Variants in NUDT3 observed in about 807,000 individuals in gnomAD.
NUDT3 encodes diphosphoinositol polyphosphate phosphohydrolase 1.
In NUDT3, 9 loss-of-function variants were observed where a neutral mutation model predicts 23.6. That is an observed-to-expected ratio of 0.38 (90% CI 0.23 to 0.66). The LOEUF is 0.66. Ranked by LOEUF, NUDT3 falls within the 30% of genes least tolerant of loss-of-function variation. The pLI, the probability that NUDT3 is intolerant of heterozygous loss-of-function variation, is 0.52. For synonymous variants in NUDT3, 86 were observed against 82.6 expected (o/e 1.04, Z -0.22); for missense variants, 172 against 218.5 (o/e 0.79, Z 1.34).
intron 1 of NUDT3, among the ~76,000 whole-genome samples, chr6:34,386,495 A>G (rs1765108850): frequency 6.6e-6 from 1 of 152,184 alleles, no homozygotes; most frequent in Non-Finnish European, 1.5e-5. Flanking sequence ...TGAGTGTTCA[A>G]TAAATTTGCT....
intron 1 of NUDT3, among the ~76,000 whole-genome samples, chr6:34,371,396 G>A (rs746376895): frequency 4.6e-5 from 7 of 151,822 alleles, no homozygotes; most frequent in Non-Finnish European, 8.8e-5. Context: ...AACCCAGGAC[G>A]TGGAAGTTGC....
At chr6:34,324,387 CT>C (rs1763991815) in intron 2 of NUDT3, among the ~76,000 whole-genome samples, 1 of 151,780 alleles carries the variant, frequency 6.6e-6, no homozygotes, top group Non-Finnish European at 1.5e-5. Context: ...GAATAAGAGC[CT>C]TGTTTAGATC....
intron 2 of NUDT3, among the ~76,000 whole-genome samples, chr6:34,340,064 C>G (rs574115010): frequency 3.3e-5 from 5 of 152,114 alleles, no homozygotes; most frequent in Non-Finnish European, 5.9e-5. Flanking sequence ...GGGAAAATTT[C>G]TTTTCTCTCA....
At chr6:34,391,141 C>T (rs1765192350) in intron 1 of NUDT3, among the ~76,000 whole-genome samples, 1 of 152,218 alleles carries the variant, frequency 6.6e-6, no homozygotes, top group South Asian at 2.1e-4. Context: ...ACAGCAACTC[C>T]TGGCAATCCA....
At chr6:34,295,550 C>A in intron 3 of NUDT3, 91 bp downstream of exon 3, 14 of 1,277,376 alleles carry the variant, frequency 1.1e-5, no homozygotes, top group East Asian at 5.2e-5. Flanking sequence ...AAAAAAAAAA[C>A]TCGCTGAAAC....
In NUDT3 at chr6:34,311,028, A is replaced by G. The variant is rs1302306725; in HGVS notation, c.211-15343T>C. 2.0e-5 allele frequency among the ~76,000 whole-genome samples: 3 copies of G among 151,996 alleles called. No homozygotes were observed. The East Asian group carries it at 5.8e-4, about 29-fold the overall frequency. ...AAAACTCTCGACAAACTAGGAACAG[A>G]GGAAGACTTCCTCAATTTGATACAG... On this transcript the variant is annotated intron_variant, in intron 2 of 4. Coordinates refer to ENST00000607016, the MANE Select transcript of NUDT3 (RefSeq NM_006703.4).
chr6:34,379,545 G>A (rs1020392847), intron 1 of NUDT3, among the ~76,000 whole-genome samples: 10 of 151,842 alleles, frequency 6.6e-5, no homozygotes, highest in Admixed American at 1.3e-4. Context: ...GGGCGACAGA[G>A]AGAGACTCCA....
At chr6:34,305,346 ATCTT>A (rs1033690595) in intron 2 of NUDT3, among the ~76,000 whole-genome samples, 23 of 152,116 alleles carry the variant, frequency 1.5e-4, no homozygotes, top group Non-Finnish European at 2.5e-4. Flanking sequence ...AAGTTTTCAG[ATCTT>A]TCTGTTTGTA....
intron 4 of NUDT3, among the ~76,000 whole-genome samples, chr6:34,292,089 T>A (rs1170943853): frequency 1.3e-5 from 2 of 152,194 alleles, no homozygotes; most frequent in Admixed American, 6.6e-5. Context: ...AGTGTATGAC[T>A]CCTGCCTGAC....
At chr6:34,359,376 A>C (rs1452008051) in intron 1 of NUDT3, among the ~76,000 whole-genome samples, 7 of 152,284 alleles carry the variant, frequency 4.6e-5, no homozygotes, top group South Asian at 2.1e-4. Context: ...TGCCTAAAAA[A>C]ACAAAAACAA....
chr6:34,334,661 C>A (rs1764178906), intron 2 of NUDT3, among the ~76,000 whole-genome samples: 1 of 151,774 alleles, frequency 6.6e-6, no homozygotes, highest in African/African-American at 2.4e-5. Context: ...AAAATGGGGA[C>A]CAAGTACAAC....
At chr6:34,303,836 G>A (rs1763635274) in intron 2 of NUDT3, among the ~76,000 whole-genome samples, 1 of 152,188 alleles carries the variant, frequency 6.6e-6, no homozygotes, top group Admixed American at 6.5e-5. Context: ...GAACATAGCT[G>A]TGTCATTCGT....
chr6:34,313,433 G>A (rs1763805951), intron 2 of NUDT3, among the ~76,000 whole-genome samples: 1 of 152,088 alleles, frequency 6.6e-6, no homozygotes, highest in East Asian at 1.9e-4. Flanking sequence ...CTGGATACAT[G>A]TCATTATGCC....
intron 1 of NUDT3, among the ~76,000 whole-genome samples, chr6:34,381,437 A>G (rs1246672818): frequency 6.6e-6 from 1 of 152,112 alleles, no homozygotes; most frequent in Non-Finnish European, 1.5e-5. Context: ...ACCAAAAATA[A>G]TAATTCCCTC....
At chr6:34,362,238 T>C (rs572905977) in intron 1 of NUDT3, among the ~76,000 whole-genome samples, 1 of 152,316 alleles carries the variant, frequency 6.6e-6, no homozygotes, top group East Asian at 1.9e-4. Context: ...AAGACAAAGG[T>C]CCTGCTCTGT....
intron 2 of NUDT3, among the ~76,000 whole-genome samples, chr6:34,330,653 T>G (rs1181116417): frequency 6.6e-6 from 1 of 151,806 alleles, no homozygotes; most frequent in Non-Finnish European, 1.5e-5. Context: ...AAAAATTAGC[T>G]GGGTGTGGTG....
chr6:34,378,169 G>C (rs528054705), intron 1 of NUDT3, among the ~76,000 whole-genome samples: 24 of 151,898 alleles, frequency 1.6e-4, no homozygotes, highest in African/African-American at 5.3e-4. Flanking sequence ...CAGATGAGGT[G>C]GCACATTCCT....
intron 2 of NUDT3, among the ~76,000 whole-genome samples, chr6:34,302,134 C>T (rs111576689): frequency 0.094 from 14,238 of 151,804 alleles, 1,496 homozygotes; most frequent in African/African-American, 0.26. Context: ...CAGGCTCAAG[C>T]GATCCTCCTG....
intron 1 of NUDT3, among the ~76,000 whole-genome samples, chr6:34,388,756 G>A (rs1765149778): frequency 6.6e-6 from 1 of 152,096 alleles, no homozygotes; most frequent in Non-Finnish European, 1.5e-5. Context: ...TTTAATACAT[G>A]CTTTTTGTTG....
Sources: gnomAD v4.1 joint callset for allele counts (sites outside exome capture counted in the v4.1 genomes callset) on GRCh38, gnomAD v4.1.1 for gene constraint, MANE v1.5 for transcripts, NCBI Gene and HGNC (gene_info 2026-07-23, HGNC 2026-07-21) for gene names.